Variants in ADGRD1 observed in about 807,000 individuals in gnomAD.
ADGRD1 encodes the protein G-protein coupled receptor 133.
A neutral mutation model predicts 113.4 loss-of-function variants in ADGRD1; 77 were observed. The ratio of observed to expected loss-of-function variants is 0.68; its 90% confidence interval spans 0.57 to 0.82. The LOEUF is 0.82. Among genes scored for constraint, ADGRD1 ranks in the 40% least tolerant of loss-of-function variants. The pLI is 0.00. For missense variants in ADGRD1, 1,036 were observed against 1,139.1 expected (o/e 0.91, Z 1.30); for synonymous variants, 474 against 475.0 (o/e 1.00, Z 0.03).
Position 131,076,835 on chromosome 12 carries a change from G to A in ADGRD1, c.1508G>A (p.Ser503Asn). 6.2e-7 allele frequency: 1 copy of A among 1,614,176 alleles called. No individual in the cohort carries two copies. The highest frequency in any genetic ancestry group is 8.5e-7 in the Non-Finnish European group (1 of 1,180,002). The part of the protein sequence containing the change: ...RKQHSEATNS[S>N]NRVFVYCAFL... ...CAGCACAGTGAGGCCACCAACAGCA[G>A]CAACCGAGTCTTCGTGTACTGCGCC... The change falls in exon 14 of 25, where the codon AGC (serine) becomes AAC (asparagine). Residue 503 changes from serine to asparagine, a missense_variant. By Grantham distance (46) the Ser-to-Asn change is conservative. Coordinates refer to ENST00000261654, the MANE Select transcript of ADGRD1 (RefSeq NM_198827.5).
intron 2 of ADGRD1, chr12:130,962,144 C>T (rs1870442741): frequency 6.6e-6 from 1 of 152,330 alleles, no homozygotes; most frequent in Non-Finnish European, 1.5e-5. Flanking sequence ...CAGCTTGCAG[C>T]CCCTTCATTG....
At chr12:130,963,640 G>A (rs886373822) in intron 2 of ADGRD1, among the ~76,000 whole-genome samples, 1 of 152,222 alleles carries the variant, frequency 6.6e-6, no homozygotes, top group Non-Finnish European at 1.5e-5. Context: ...CGTCCCAGCT[G>A]TATTCCAGTC....
intron 17 of ADGRD1, among the ~76,000 whole-genome samples, 187 bp downstream of exon 17, chr12:131,106,052 G>A (rs1047951497): frequency 1.3e-5 from 2 of 152,098 alleles, no homozygotes; most frequent in Non-Finnish European, 2.9e-5. Context: ...TGTGCTGCAC[G>A]CCAGCCTCGG....
At chr12:130,996,433 G>A (rs1875370922) in intron 8 of ADGRD1, among the ~76,000 whole-genome samples, 1 of 107,520 alleles carries the variant, frequency 9.3e-6, no homozygotes, top group Non-Finnish European at 2.1e-5. Context: ...TCCCGGACGG[G>A]GCGGCTGGCC....
intron 15 of ADGRD1, among the ~76,000 whole-genome samples, chr12:131,089,847 G>A (rs574933169): frequency 1.3e-4 from 20 of 152,360 alleles, no homozygotes; most frequent in African/African-American, 3.6e-4. Context: ...GCCAAATCCC[G>A]AATGTTGGGG....
intron 13 of ADGRD1, among the ~76,000 whole-genome samples, chr12:131,018,290 G>A (rs1231966927): frequency 2.0e-5 from 3 of 152,164 alleles, no homozygotes; most frequent in Non-Finnish European, 4.4e-5. Flanking sequence ...GCTGAGGCCC[G>A]CATTCTCCCA....
At chr12:131,021,616 T>G (rs1328529799) in intron 13 of ADGRD1, among the ~76,000 whole-genome samples, 1 of 152,148 alleles carries the variant, frequency 6.6e-6, no homozygotes, top group African/African-American at 2.4e-5. Context: ...TAGGTTTGGT[T>G]TCTCCCAAGG....
chr12:131,085,607 T>C (rs1249269549), intron 15 of ADGRD1, among the ~76,000 whole-genome samples: 1 of 152,068 alleles, frequency 6.6e-6, no homozygotes, highest in East Asian at 1.9e-4. Context: ...GAAGGAGGTG[T>C]TGCTGCTGAC....
At chr12:131,039,662 C>G (rs187748322) in intron 13 of ADGRD1, among the ~76,000 whole-genome samples, 139 of 152,294 alleles carry the variant, frequency 9.1e-4, no homozygotes, top group African/African-American at 3.2e-3. Flanking sequence ...CGCACCCACC[C>G]GAACCCAACC....
intron 15 of ADGRD1, among the ~76,000 whole-genome samples, chr12:131,102,789 A>C (rs1950120301): frequency 6.6e-6 from 1 of 152,204 alleles, no homozygotes; most frequent in Non-Finnish European, 1.5e-5. Context: ...CAAATATGGG[A>C]GGCCAGGCCC....
At chr12:131,039,732 C>T (rs532277688) in intron 13 of ADGRD1, among the ~76,000 whole-genome samples, 1 of 152,368 alleles carries the variant, frequency 6.6e-6, no homozygotes, top group Non-Finnish European at 1.5e-5. Context: ...CACGCCCCTG[C>T]CGCTAAGCCC....
intron 13 of ADGRD1, among the ~76,000 whole-genome samples, chr12:131,029,350 A>C (rs1484282300): frequency 6.6e-6 from 1 of 152,202 alleles, no homozygotes; most frequent in Non-Finnish European, 1.5e-5. Flanking sequence ...TCCCTCTGTC[A>C]AGATCCTTGG....
chr12:131,076,387 G>C (rs1043768015), intron 13 of ADGRD1, among the ~76,000 whole-genome samples: 1 of 152,182 alleles, frequency 6.6e-6, no homozygotes, highest in African/African-American at 2.4e-5. Context: ...TGCCGGTGCT[G>C]TTTAGAACAG....
intron 12 of ADGRD1, 118 bp from the exon 13 acceptor site, chr12:131,014,081 C>T: frequency 1.0e-6 from 1 of 997,946 alleles, no homozygotes. Context: ...AAAGCTTCAT[C>T]CAAAGAAGAT....
chr12:131,024,927 C>T (rs1879779930), intron 13 of ADGRD1, among the ~76,000 whole-genome samples: 1 of 152,184 alleles, frequency 6.6e-6, no homozygotes, highest in Non-Finnish European at 1.5e-5. Context: ...TGGCTGTGGC[C>T]CGAGGGCAGG....
intron 13 of ADGRD1, among the ~76,000 whole-genome samples, chr12:131,034,016 C>G (rs1310441327): frequency 2.0e-5 from 3 of 152,210 alleles, no homozygotes; most frequent in East Asian, 3.8e-4. Context: ...AGCCTTGCCC[C>G]TGGTTTCACT....
At chr12:131,134,240 C>A (rs1386331357) in intron 21 of ADGRD1, among the ~76,000 whole-genome samples, 1 of 152,162 alleles carries the variant, frequency 6.6e-6, no homozygotes. Flanking sequence ...CCAGGGCCAA[C>A]CTTGGGGGAG....
intron 13 of ADGRD1, among the ~76,000 whole-genome samples, chr12:131,048,540 G>A (rs910584174): frequency 6.6e-6 from 1 of 152,208 alleles, no homozygotes; most frequent in East Asian, 1.9e-4. Context: ...CGTGGCCACC[G>A]AGGGAGTCTC....
intron 15 of ADGRD1, among the ~76,000 whole-genome samples, chr12:131,102,026 CA>C (rs886627830): frequency 1.4e-4 from 22 of 152,200 alleles, no homozygotes; most frequent in Non-Finnish European, 2.4e-4. Context: ...CATAGCTGAA[CA>C]GGGGGGTTTA....
Sources: gnomAD v4.1 joint callset for allele counts (sites outside exome capture counted in the v4.1 genomes callset) on GRCh38, gnomAD v4.1.1 for gene constraint, MANE v1.5 for transcripts, NCBI Gene and HGNC (gene_info 2026-07-23, HGNC 2026-07-21) for gene names.